The following IGSF21 variants were observed in gnomAD, a reference collection of about 807,000 sequenced individuals.
The protein encoded by IGSF21 is immunoglobulin superfamily member 21.
A neutral mutation model predicts 46.8 loss-of-function variants in IGSF21; 28 were observed. The observed-to-expected ratio is 0.60, with a 90% confidence interval of 0.44 to 0.82. IGSF21 has a LOEUF of 0.82. Among genes scored for constraint, IGSF21 ranks in the 40% least tolerant of loss-of-function variants. The probability of loss-of-function intolerance (pLI) is 0.00; values close to 1 mark genes in which losing one functional copy is unlikely to be tolerated. For missense variants in IGSF21, 624 were observed against 665.5 expected (o/e 0.94, Z 0.69); for synonymous variants, 284 against 273.6 (o/e 1.04, Z -0.38).
At position 18,337,333 on chromosome 1, in the gene IGSF21, T is replaced by C. The variant is rs1362020833; in HGVS notation, c.424+2323T>C. 6.6e-6 allele frequency among the ~76,000 whole-genome samples: 1 copy of C among 152,190 alleles called. No individual in the cohort carries two copies. Among genetic ancestry groups the C allele is most frequent in the East Asian group, 1.9e-4 (1 of 5,186 alleles). ...GGATGCTTCCCTCCTAGGGTGGCTG[T>C]GAGGCTTAAAGTAGATAAAGTTTGC... On this transcript the variant is annotated intron_variant, in intron 4 of 9. Coordinates refer to ENST00000251296, the MANE Select transcript of IGSF21 (RefSeq NM_032880.5). This position sits in a 1 kb window ranked among gnomAD's most constrained non-coding sequence, Gnocchi z 5.7.
chr1:18,180,772 G>A (rs1212523004), intron 1 of IGSF21, among the ~76,000 whole-genome samples: 1 of 152,182 alleles, frequency 6.6e-6, no homozygotes, highest in Non-Finnish European at 1.5e-5. Context: ...ACTCATTTAA[G>A]GCTTATACAA....
chr1:18,238,447 T>A (rs1163093391), intron 2 of IGSF21, among the ~76,000 whole-genome samples: 1 of 152,102 alleles, frequency 6.6e-6, no homozygotes, highest in Non-Finnish European at 1.5e-5. Flanking sequence ...AGCAGGGTGG[T>A]GGGGGAAGAC....
At chr1:18,187,165 T>C (rs2086911293) in intron 1 of IGSF21, among the ~76,000 whole-genome samples, 1 of 152,108 alleles carries the variant, frequency 6.6e-6, no homozygotes, top group South Asian at 2.1e-4. Flanking sequence ...GCTCTCTTCT[T>C]GGCTTGCAGA....
intron 1 of IGSF21, among the ~76,000 whole-genome samples, chr1:18,147,848 T>C (rs9727114): frequency 0.1 from 15,835 of 152,182 alleles, 1,405 homozygotes; most frequent in African/African-American, 0.24. Flanking sequence ...GTAGCTCCCA[T>C]AATTCCCATG....
At position 18,179,963 on chromosome 1, in the gene IGSF21, C is replaced by T. The variant is rs369173989; in HGVS notation, c.71-47935C>T. ...AAGCACATTCCAGGCTCAGGGCCTT[C>T]GCCTTAGCTCTCCTGGCCTGGCATC... On this transcript the variant is annotated intron_variant, in intron 1 of 9. Transcript: ENST00000251296. Among the ~76,000 whole-genome samples the T allele has an allele frequency of 2.6e-4, 39 of 152,326 alleles. No homozygotes were observed. The South Asian group carries it at 7.5e-3, about 29-fold the overall frequency.
At chr1:18,376,659 C>A (rs1029428706) in intron 7 of IGSF21, 141 bp from the exon 8 acceptor site, 24 of 755,900 alleles carry the variant, frequency 3.2e-5, no homozygotes, top group Non-Finnish European at 2.2e-6. Flanking sequence ...GACTCCTCCT[C>A]CTCCTGGAGT....
intron 3 of IGSF21, among the ~76,000 whole-genome samples, chr1:18,308,529 A>G (rs151208626): frequency 1.3e-5 from 2 of 152,304 alleles, no homozygotes; most frequent in African/African-American, 2.4e-5. Flanking sequence ...TGAGCTCCAC[A>G]ACACCCCTTG....
rs10652866 is a variant in IGSF21, at chr1:18,281,120, C to CGAAT, written c.184-10726_184-10723dup. Among the ~76,000 whole-genome samples, 941 of 109,924 alleles carry CGAAT rather than the reference C, an allele frequency of 8.6e-3. 6 individuals carry two copies. The highest frequency in any genetic ancestry group is 0.018 in the African/African-American group (617 of 33,514). The allele number at this position is 109,924 out of a possible 152,430, so 72.1% of individuals were successfully genotyped here. A position where few individuals can be genotyped will look rare whatever the true frequency, so the allele number is the denominator to read the frequency against. On this transcript the variant is annotated intron_variant, in intron 2 of 9. Coordinates refer to ENST00000251296, the MANE Select transcript of IGSF21 (RefSeq NM_032880.5). ...AGGTGTTTATGAATGAAGAAATGAA[C>CGAAT]GAATGAATGAATGAATGAATGAACA...
chr1:18,238,939 G>A (rs777823067), intron 2 of IGSF21, among the ~76,000 whole-genome samples: 35 of 152,252 alleles, frequency 2.3e-4, no homozygotes, highest in Admixed American at 9.2e-4. Flanking sequence ...CCCACCTTGC[G>A]GTCAACCTCC....
intron 3 of IGSF21, among the ~76,000 whole-genome samples, chr1:18,300,439 C>A (rs1440873915): frequency 1.3e-5 from 2 of 152,210 alleles, no homozygotes; most frequent in Admixed American, 6.5e-5. Flanking sequence ...TATTCTAAGG[C>A]CCCTAAAGCC....
intron 3 of IGSF21, among the ~76,000 whole-genome samples, chr1:18,311,218 G>A (rs1206210005): frequency 6.6e-6 from 1 of 152,120 alleles, no homozygotes; most frequent in East Asian, 1.9e-4. Context: ...TCTTGACCCA[G>A]CTGCAAGGAT....
chr1:18,338,374 C>T (rs910034177), intron 4 of IGSF21, among the ~76,000 whole-genome samples: 8 of 152,158 alleles, frequency 5.3e-5, no homozygotes, highest in Non-Finnish European at 7.4e-5. Flanking sequence ...TCTCTTCAAA[C>T]GAGCAGAGGT....
intron 1 of IGSF21, among the ~76,000 whole-genome samples, chr1:18,126,697 T>A (rs1018316283): frequency 1.4e-4 from 21 of 152,116 alleles, no homozygotes; most frequent in Non-Finnish European, 2.9e-5. Context: ...ATGGGAGCCC[T>A]GAATTAAACG....
chr1:18,159,490 G>T (rs1009652289), intron 1 of IGSF21, among the ~76,000 whole-genome samples: 1 of 152,090 alleles, frequency 6.6e-6, no homozygotes, highest in African/African-American at 2.4e-5. Flanking sequence ...TACTGTTCTC[G>T]TGGTAGTGAG....
intron 1 of IGSF21, among the ~76,000 whole-genome samples, chr1:18,118,117 G>A (rs888815799): frequency 3.3e-5 from 5 of 152,200 alleles, no homozygotes; most frequent in Non-Finnish European, 1.5e-5. Flanking sequence ...ACGGAGAGAA[G>A]CAGCTGAGCC....
At chr1:18,283,627 C>T (rs570563789) in intron 2 of IGSF21, among the ~76,000 whole-genome samples, 2 of 152,212 alleles carry the variant, frequency 1.3e-5, no homozygotes, top group East Asian at 1.9e-4. Context: ...GAATCATTCT[C>T]CCAGGCTTCC....
At chr1:18,108,320 G>C in intron 1 of IGSF21, 122 bp downstream of exon 1, 1 of 1,070,706 alleles carries the variant, frequency 9.3e-7, no homozygotes, top group Non-Finnish European at 1.2e-6. Flanking sequence ...GTCCTGCCCG[G>C]GGTCTGTGGA....
At chr1:18,261,163 C>T (rs1379173341) in intron 2 of IGSF21, among the ~76,000 whole-genome samples, 1 of 152,254 alleles carries the variant, frequency 6.6e-6, no homozygotes, top group Admixed American at 6.5e-5. Context: ...TCTCTGGCTG[C>T]ACCTGCTTCA....
intron 1 of IGSF21, among the ~76,000 whole-genome samples, chr1:18,191,788 C>T (rs961395442): frequency 1.1e-4 from 16 of 152,138 alleles, no homozygotes; most frequent in South Asian, 1.0e-3. Flanking sequence ...CTGCCCCCTG[C>T]GTTCTGAGGC....
Sources: allele counts gnomAD v4.1 joint callset (sites outside exome capture counted in the v4.1 genomes callset), GRCh38; gene constraint gnomAD v4.1.1; non-coding constraint Gnocchi (gnomAD v3.1); transcripts MANE v1.5; gene names NCBI Gene and HGNC (gene_info 2026-07-23, HGNC 2026-07-21).